Variants in DISC1 observed in about 807,000 individuals in gnomAD.
The protein encoded by DISC1 is disrupted in schizophrenia 1 protein.
Under a neutral mutation model 84.5 loss-of-function variants are expected in DISC1, and 57 were observed. That is an observed-to-expected ratio of 0.67 (90% CI 0.55 to 0.84). The LOEUF is 0.84. DISC1 is among the 40% of genes least tolerant of loss of function. DISC1 has a pLI of 0.00. For missense variants in DISC1, 1,000 were observed against 1,057.8 expected, an observed-to-expected ratio of 0.95 and a Z score of 0.76; for synonymous variants, 411 against 415.2, an observed-to-expected ratio of 0.99 and a Z score of 0.12.
chr1:231,916,411 T>A (rs1227541728), intron 9 of DISC1, among the ~76,000 whole-genome samples: 1 of 152,022 alleles, frequency 6.6e-6, no homozygotes, highest in Admixed American at 6.6e-5. Flanking sequence ...TCCCAGCACT[T>A]TGGGAGGCCG....
At chr1:231,935,616 G>A (rs1473091383) in intron 9 of DISC1, among the ~76,000 whole-genome samples, 7 of 152,112 alleles carry the variant, frequency 4.6e-5, no homozygotes, top group Non-Finnish European at 7.4e-5. Context: ...AAGCCAATTC[G>A]GTGAGTAGAG....
At chr1:231,835,248 C>A (rs6677995) in intron 9 of DISC1, among the ~76,000 whole-genome samples, 6 of 152,182 alleles carry the variant, frequency 3.9e-5, no homozygotes, top group East Asian at 3.9e-4. Context: ...CACTCGCGTC[C>A]GTGTGAAGAG....
intron 10 of DISC1, among the ~76,000 whole-genome samples, chr1:231,962,201 C>A (rs1359889571): frequency 6.6e-6 from 1 of 152,150 alleles, no homozygotes; most frequent in African/African-American, 2.4e-5. Context: ...CTGTTCATAT[C>A]TTTTGCCCAC....
chr1:231,774,869 T>C (rs921186284), intron 6 of DISC1: 1 of 396,562 alleles, frequency 2.5e-6, no homozygotes, highest in African/African-American at 2.1e-5. Context: ...CATGATCCTG[T>C]TAACCTAATT....
At position 231,826,877 on chromosome 1, in the gene DISC1, T is replaced by G. The variant is rs2125799670; in HGVS notation, c.1981+8360T>G. ...GAAGTAGTTAGAAGCCCTGTTTGCT[T>G]TTAAGAATTTACTAATTTGTCATCC... On this transcript the variant is annotated intron_variant, in intron 9 of 12. Transcript: ENST00000439617. This position sits in a 1 kb window ranked among gnomAD's most constrained non-coding sequence, Gnocchi z 4.2. Among the ~76,000 whole-genome samples, 1 of 152,370 alleles carries G rather than the reference T, an allele frequency of 6.6e-6. No individual in the cohort carries two copies. The highest frequency in any genetic ancestry group is 1.9e-4 in the East Asian group (1 of 5,196).
At chr1:231,722,566 T>A in intron 3 of DISC1, 1 of 1,614,190 alleles carries the variant, frequency 6.2e-7, no homozygotes, top group Non-Finnish European at 8.5e-7. Context: ...GGATCCACCA[T>A]GGAAGCCTCG....
chr1:231,840,158 A>C (rs1237532918), intron 9 of DISC1, among the ~76,000 whole-genome samples: 1 of 152,240 alleles, frequency 6.6e-6, no homozygotes, highest in South Asian at 2.1e-4. Flanking sequence ...AAGGTGGAGC[A>C]GGCCAATTGC....
intron 6 of DISC1, among the ~76,000 whole-genome samples, chr1:231,794,130 C>A (rs2078566243): frequency 6.6e-6 from 1 of 152,174 alleles, no homozygotes; most frequent in East Asian, 1.9e-4. Context: ...ATAGGCCCCA[C>A]CCCATCCTTC....
At chr1:231,918,403 T>C (rs959042020) in intron 9 of DISC1, among the ~76,000 whole-genome samples, 1 of 152,202 alleles carries the variant, frequency 6.6e-6, no homozygotes, top group African/African-American at 2.4e-5. Context: ...TCTGACCTCT[T>C]TGTTGGTCTC....
chr1:231,788,322 C>A (rs1479605848), intron 6 of DISC1, among the ~76,000 whole-genome samples: 2 of 152,106 alleles, frequency 1.3e-5, no homozygotes, highest in Non-Finnish European at 2.9e-5. Flanking sequence ...AAGGTGTCAG[C>A]AGGGTTGCTT....
rs185202450 is a variant in DISC1, at chr1:231,914,328, G to A, written c.1982-44500G>A. Among the ~76,000 whole-genome samples, 337 of 152,340 alleles carry A rather than the reference G, an allele frequency of 2.2e-3. 2 individuals carry two copies. The highest frequency in any genetic ancestry group is 7.2e-3 in the African/African-American group (301 of 41,578). ...TGTCCCCTGGAAACCCTGTCTGCAA[G>A]CGGAGCTGAAATCTAGTTGTTTTTG... is the stretch of plus-strand genomic sequence containing the variant. On this transcript the variant is annotated intron_variant, in intron 9 of 12. Transcript: ENST00000439617.
At chr1:232,032,107 A>G (rs1331583687) in intron 12 of DISC1, among the ~76,000 whole-genome samples, 1 of 152,174 alleles carries the variant, frequency 6.6e-6, no homozygotes, top group Non-Finnish European at 1.5e-5. Flanking sequence ...AAATGTTCCA[A>G]TGAGCATTTC....
At chr1:231,673,832 T>C (rs2062859114) in intron 1 of DISC1, among the ~76,000 whole-genome samples, 1 of 152,208 alleles carries the variant, frequency 6.6e-6, no homozygotes, top group Admixed American at 6.5e-5. Context: ...ACAAACATCA[T>C]TGAGTAATTA....
At chr1:231,974,454 C>G (rs1265443672) in intron 10 of DISC1, among the ~76,000 whole-genome samples, 1 of 152,000 alleles carries the variant, frequency 6.6e-6, no homozygotes, top group Non-Finnish European at 1.5e-5. Flanking sequence ...GAAAATAAGC[C>G]TAGTAAAAAT....
Position 231,626,882 on chromosome 1 carries a change from T to C in DISC1, c.15T>C (p.Gly5=), listed in dbSNP as rs2125050929. 1 of 1,484,060 alleles carries C rather than the reference T, an allele frequency of 6.7e-7. No individual in the cohort carries two copies. Among genetic ancestry groups the C allele is most frequent in the Non-Finnish European group, 8.9e-7 (1 of 1,127,360 alleles). The allele number at this position is 1,484,060 out of a possible 1,614,324, so 91.9% of individuals were successfully genotyped here. A position where few individuals can be genotyped will look rare whatever the true frequency, so the allele number is the denominator to read the frequency against. Residue 5 remains glycine, a synonymous_variant, in exon 1 of 13, where the codon GGT becomes GGC. Coordinates refer to ENST00000439617, the MANE Select transcript of DISC1 (RefSeq NM_018662.3). ...CAGCGGGGCGCATGCCAGGCGGGGG[T>C]CCTCAGGGCGCCCCAGCCGCCGCCG... MPGG[G]PQGAPAAAGG...
At chr1:231,736,449 T>C (rs1250170473) in intron 3 of DISC1, among the ~76,000 whole-genome samples, 1 of 152,280 alleles carries the variant, frequency 6.6e-6, no homozygotes, top group Non-Finnish European at 1.5e-5. Flanking sequence ...TCTGCATTTG[T>C]ATTCTTACTC....
At chr1:231,794,761 A>G (rs2078627151) in intron 6 of DISC1, among the ~76,000 whole-genome samples, 1 of 148,036 alleles carries the variant, frequency 6.8e-6, no homozygotes, top group Non-Finnish European at 1.5e-5. Context: ...GCTATCTCAG[A>G]CATACTTTAA....
chr1:231,733,893 G>T (rs564810821), intron 3 of DISC1, among the ~76,000 whole-genome samples: 2 of 151,668 alleles, frequency 1.3e-5, no homozygotes, highest in East Asian at 3.9e-4. Context: ...TTGGGGGGTG[G>T]TGATGGTAGA....
intron 3 of DISC1, among the ~76,000 whole-genome samples, chr1:231,708,188 T>G (rs1167503966): frequency 6.6e-6 from 1 of 152,160 alleles, no homozygotes; most frequent in Non-Finnish European, 1.5e-5. Flanking sequence ...TGAGGGTATT[T>G]CCGCGGAGAT....
Sources: gnomAD v4.1 joint callset for allele counts (sites outside exome capture counted in the v4.1 genomes callset) on GRCh38, gnomAD v4.1.1 for gene constraint, Gnocchi (gnomAD v3.1) non-coding constraint, MANE v1.5 for transcripts, NCBI Gene and HGNC (gene_info 2026-07-23, HGNC 2026-07-21) for gene names.